Variants in SYT16 observed in about 807,000 individuals in gnomAD.
SYT16 encodes synaptotagmin 16.
SYT16 carries 42 observed loss-of-function variants against 61.4 expected under a neutral mutation model. The ratio of observed to expected loss-of-function variants is 0.68; its 90% CI spans 0.53 to 0.89. The LOEUF (loss-of-function observed/expected upper bound fraction) is 0.89. Among genes scored for constraint, SYT16 ranks in the 40% least tolerant of loss-of-function variants. The pLI is 0.00. For missense variants in SYT16, 804 were observed against 807.3 expected (o/e 1.00, Z 0.05); for synonymous variants, 314 against 302.3 (o/e 1.04, Z -0.40).
intron 7 of SYT16, among the ~76,000 whole-genome samples, chr14:62,088,721 A>G (rs1379369857): frequency 2.6e-5 from 4 of 152,206 alleles, no homozygotes; most frequent in African/African-American, 7.2e-5. Flanking sequence ...AAATGGATTA[A>G]TGGATGAATA....
chr14:62,031,072 G>A (rs953553063), intron 3 of SYT16, among the ~76,000 whole-genome samples: 1 of 152,124 alleles, frequency 6.6e-6, no homozygotes, highest in East Asian at 1.9e-4. Context: ...TAAGCTATAC[G>A]ACATAGACTT....
intron 3 of SYT16, among the ~76,000 whole-genome samples, chr14:61,997,093 T>G (rs1007329089): frequency 6.6e-6 from 1 of 152,088 alleles, no homozygotes; most frequent in Non-Finnish European, 1.5e-5. Context: ...TAATAAAAAC[T>G]GCCTATAAAG....
chr14:62,017,420 T>C (rs1410290242), intron 3 of SYT16, among the ~76,000 whole-genome samples: 1 of 152,338 alleles, frequency 6.6e-6, no homozygotes, highest in Non-Finnish European at 1.5e-5. Context: ...AGCATATGCT[T>C]ATAACTCTGC....
chr14:62,078,887 G>T (rs1230853923), intron 5 of SYT16, among the ~76,000 whole-genome samples: 1 of 152,206 alleles, frequency 6.6e-6, no homozygotes, highest in East Asian at 1.9e-4. Flanking sequence ...ACTACTTAGA[G>T]CCCATATAGG....
At chr14:61,925,877 C>A (rs185461614) in intron 1 of SYT16, among the ~76,000 whole-genome samples, 1 of 152,128 alleles carries the variant, frequency 6.6e-6, no homozygotes, top group Non-Finnish European at 1.5e-5. Flanking sequence ...GGAGATTTCA[C>A]AAGAATGTAA....
intron 7 of SYT16, among the ~76,000 whole-genome samples, chr14:62,088,088 T>G (rs949461328): frequency 6.6e-6 from 1 of 152,052 alleles, no homozygotes; most frequent in African/African-American, 2.4e-5. Context: ...AAACATGCAC[T>G]GAGAATCTAG....
rs2141037938 is a variant in SYT16 at position 62,108,074 on chromosome 14, A to G, written c.*7367A>G. The G allele has an allele frequency of 6.6e-6, 1 of 152,338 alleles. No homozygotes were observed. The highest frequency in any genetic ancestry group is 2.1e-4 in the South Asian group (1 of 4,828). The allele number at this position is 152,338 out of a possible 1,614,324, so 9.4% of individuals were successfully genotyped here. A position where few individuals can be genotyped will look rare whatever the true frequency, so the allele number is the denominator to read the frequency against. On this transcript the variant is annotated 3_prime_UTR_variant, in exon 8 of 8. Transcript: ENST00000683842. ...GAGCCCTGCTTACCTTTCTGTGACTAAAACTAGTCTTAAAAACTGAATACA... is the reference window on the plus strand; with the variant it reads ...GAGCCCTGCTTACCTTTCTGTGACTGAAACTAGTCTTAAAAACTGAATACA...
At chr14:61,884,376 T>A (rs1299290835) in intron 1 of SYT16, among the ~76,000 whole-genome samples, 1 of 152,236 alleles carries the variant, frequency 6.6e-6, no homozygotes, top group Non-Finnish European at 1.5e-5. Context: ...AAAAGTAAGT[T>A]AATTATTACG....
At chr14:62,046,374 T>C (rs901002996) in intron 3 of SYT16, among the ~76,000 whole-genome samples, 1 of 152,150 alleles carries the variant, frequency 6.6e-6, no homozygotes, top group Non-Finnish European at 1.5e-5. Flanking sequence ...CATGAGTAGG[T>C]TGCAAAAATT....
At chr14:62,066,023 A>G (rs2056046892) in intron 3 of SYT16, among the ~76,000 whole-genome samples, 1 of 152,240 alleles carries the variant, frequency 6.6e-6, no homozygotes, top group South Asian at 2.1e-4. Context: ...TCTTATGTTC[A>G]TGGAGAAGCT....
intron 1 of SYT16, chr14:61,865,323 G>GA (rs1311736096): frequency 1.4e-6 from 1 of 712,244 alleles, no homozygotes; most frequent in Non-Finnish European, 2.5e-6. Context: ...CGGAGAGCCT[G>GA]AAGCTCTTAG....
chr14:61,983,594 T>C (rs2052177729), intron 2 of SYT16, among the ~76,000 whole-genome samples: 1 of 152,176 alleles, frequency 6.6e-6, no homozygotes, highest in Admixed American at 6.5e-5. Flanking sequence ...GGTGTGATCA[T>C]AGCTCACTGT....
At chr14:61,961,640 A>T (rs2051120478) in intron 1 of SYT16, among the ~76,000 whole-genome samples, 1 of 152,218 alleles carries the variant, frequency 6.6e-6, no homozygotes, top group Non-Finnish European at 1.5e-5. Flanking sequence ...GGTTGTGGAG[A>T]AAAGTGAACA....
At chr14:61,964,445 G>T (rs1213843690) in intron 1 of SYT16, among the ~76,000 whole-genome samples, 1 of 152,158 alleles carries the variant, frequency 6.6e-6, no homozygotes, top group Non-Finnish European at 1.5e-5. Flanking sequence ...ACTAGAATTA[G>T]AAATGGAGCC....
chr14:61,996,564 T>G, intron 3 of SYT16, 22 bp downstream of exon 3: 1 of 1,562,332 alleles, frequency 6.4e-7, no homozygotes, highest in Non-Finnish European at 8.6e-7. Context: ...AGTCATCATT[T>G]TCTCTGCGTT....
chr14:62,073,163 T>G (rs1487595337), intron 4 of SYT16, among the ~76,000 whole-genome samples: 1 of 152,220 alleles, frequency 6.6e-6, no homozygotes. Flanking sequence ...ATATCATTCT[T>G]ATGTTTTTCA....
intron 3 of SYT16, among the ~76,000 whole-genome samples, chr14:62,057,327 A>G (rs557372201): frequency 6.6e-6 from 1 of 152,348 alleles, no homozygotes; most frequent in Non-Finnish European, 1.5e-5. Context: ...AGTGGGCTGA[A>G]TATGGCACCA....
chr14:62,078,155 C>CTATATATATATATATA (rs374965535), intron 5 of SYT16, among the ~76,000 whole-genome samples: 13 of 135,998 alleles, frequency 9.6e-5, no homozygotes, highest in African/African-American at 3.4e-4. Context: ...CTCTCTCTCT[C>CTATATATATATATATA]TATATATATA....
chr14:62,001,742 T>A (rs1048514824), intron 3 of SYT16, among the ~76,000 whole-genome samples: 5 of 152,142 alleles, frequency 3.3e-5, no homozygotes, highest in Non-Finnish European at 7.4e-5. Context: ...ATTGGTATTA[T>A]CCCACAGCTC....
Sources: allele counts gnomAD v4.1 joint callset (sites outside exome capture counted in the v4.1 genomes callset), GRCh38; gene constraint gnomAD v4.1.1; transcripts MANE v1.5; gene names NCBI Gene and HGNC (gene_info 2026-07-23, HGNC 2026-07-21).